Variants in AGMO observed in about 807,000 individuals in gnomAD.
AGMO encodes glyceryl-ether monooxygenase.
AGMO carries 75 observed loss-of-function variants against 60.2 expected under a neutral mutation model. The ratio of observed to expected loss-of-function variants is 1.25; its 90% confidence interval spans 1.03 to 1.51. The LOEUF is 1.51. Among genes scored for constraint, AGMO ranks in the 40% most tolerant of loss-of-function variants. AGMO has a pLI of 0.00. For synonymous variants in AGMO, 261 were observed against 177.1 expected (o/e 1.47, Z -3.76); for missense variants, 763 against 525.5 (o/e 1.45, Z -4.42).
At chr7:15,445,591 G>T (rs2128503620) in intron 3 of AGMO, among the ~76,000 whole-genome samples, 1 of 152,146 alleles carries the variant, frequency 6.6e-6, no homozygotes, top group African/African-American at 2.4e-5. Context: ...ATATTTAATA[G>T]ATCATTTTTG....
At chr7:15,345,842 T>G (rs949695838) in intron 12 of AGMO, among the ~76,000 whole-genome samples, 1 of 152,148 alleles carries the variant, frequency 6.6e-6, no homozygotes, top group Non-Finnish European at 1.5e-5. Flanking sequence ...CCTCTATTCC[T>G]CATTACTACA....
the AGMO span, among the ~76,000 whole-genome samples, chr7:15,140,956 C>T: frequency 1.3e-5 from 2 of 152,212 alleles, no homozygotes; most frequent in African/African-American, 2.4e-5. Flanking sequence ...TGACAATAGG[C>T]TTATATTTAG....
intron 3 of AGMO, among the ~76,000 whole-genome samples, chr7:15,524,862 C>CA (rs5882524): frequency 0.76 from 102,746 of 135,334 alleles, 38,629 homozygotes; most frequent in East Asian, 0.96. Flanking sequence ...AATTCCATCT[C>CA]AAAAAAAAAA....
chr7:15,395,496 G>A (rs891609840), intron 5 of AGMO, among the ~76,000 whole-genome samples: 3 of 152,032 alleles, frequency 2.0e-5, no homozygotes, highest in Non-Finnish European at 2.9e-5. Flanking sequence ...TTCATTGGGA[G>A]TTATAATAAC....
chr7:15,222,447 C>T (rs558192325), intron 12 of AGMO, among the ~76,000 whole-genome samples: 5 of 152,140 alleles, frequency 3.3e-5, no homozygotes, highest in South Asian at 4.1e-4. Flanking sequence ...ATTGAGATTT[C>T]GTGATCTTTA....
chr7:15,253,837 T>C (rs867252139), intron 12 of AGMO, among the ~76,000 whole-genome samples: 1 of 152,154 alleles, frequency 6.6e-6, no homozygotes, highest in Non-Finnish European at 1.5e-5. Context: ...GACAAGCCTC[T>C]TCCCATCTCC....
At chr7:15,401,949 G>A (rs750532949) in intron 5 of AGMO, among the ~76,000 whole-genome samples, 11 of 151,960 alleles carry the variant, frequency 7.2e-5, no homozygotes, top group African/African-American at 1.9e-4. Context: ...AAGACTTTTC[G>A]TTACAGCGTC....
At position 15,284,853 on chromosome 7, in the gene AGMO, A is replaced by G. The variant is rs116834526; in HGVS notation, c.1263+80661T>C. The stretch of plus-strand genomic sequence containing the variant: ...AATAGAATACTAGCTAACTGAATCC[A>G]ACAACACATCAAAAAGATAATAAAT... On this transcript the variant is annotated intron_variant, in intron 12 of 12. Transcript: ENST00000342526. Among the ~76,000 whole-genome samples the G allele has an allele frequency of 9.0e-3, 1,369 of 152,272 alleles. 25 individuals carry two copies. The highest frequency in any genetic ancestry group is 0.031 in the African/African-American group (1,302 of 41,556).
At chr7:15,144,127 T>C in the AGMO span, among the ~76,000 whole-genome samples, 1 of 152,352 alleles carries the variant, frequency 6.6e-6, no homozygotes, top group South Asian at 2.1e-4. Context: ...AATATTTGTC[T>C]TTCAAATGCA....
chr7:15,406,982 ATG>A (rs890627998), intron 5 of AGMO, among the ~76,000 whole-genome samples: 4 of 143,944 alleles, frequency 2.8e-5, no homozygotes, highest in African/African-American at 1.0e-4. Context: ...ACATGTACAC[ATG>A]TGTGTGTATA....
intron 2 of AGMO, among the ~76,000 whole-genome samples, chr7:15,555,316 C>T (rs931767240): frequency 6.7e-6 from 1 of 148,412 alleles, no homozygotes; most frequent in African/African-American, 2.5e-5. Flanking sequence ...CACACACACA[C>T]ACACACACAC....
intron 10 of AGMO, among the ~76,000 whole-genome samples, chr7:15,385,243 C>G (rs1448217037): frequency 6.6e-6 from 1 of 152,156 alleles, no homozygotes; most frequent in Non-Finnish European, 1.5e-5. Context: ...ACATTCTGCA[C>G]AGAAGCATTT....
chr7:15,351,529 CA>C (rs1181632854), intron 12 of AGMO, among the ~76,000 whole-genome samples: 1 of 152,046 alleles, frequency 6.6e-6, no homozygotes, highest in Non-Finnish European at 1.5e-5. Context: ...AAGAAAAAAG[CA>C]GACATCTAGG....
In AGMO at chr7:15,499,624, C is replaced by T. The variant is rs778228709; in HGVS notation, c.409+45148G>A. On this transcript the variant is annotated intron_variant, in intron 3 of 12. Transcript: ENST00000342526. ...AAACCACATATTCATTTCCCCTTTG[C>T]GGCATCCTTTCTAAAATCCATAATG... Among the ~76,000 whole-genome samples, 14 of 151,810 alleles carry T rather than the reference C, an allele frequency of 9.2e-5. No individual in the cohort carries two copies. The South Asian group carries it at 1.0e-3, about 11-fold the overall frequency.
chr7:15,392,709 G>A (rs532234530), intron 6 of AGMO, among the ~76,000 whole-genome samples: 1 of 152,076 alleles, frequency 6.6e-6, no homozygotes, highest in African/African-American at 2.4e-5. Context: ...TGCAGCAGAA[G>A]AATCACTTGA....
At chr7:15,509,628 T>G (rs907260065) in intron 3 of AGMO, among the ~76,000 whole-genome samples, 1 of 152,076 alleles carries the variant, frequency 6.6e-6, no homozygotes, top group South Asian at 2.1e-4. Flanking sequence ...ATCAACAAAA[T>G]GAAAAGGCAT....
intron 3 of AGMO, among the ~76,000 whole-genome samples, chr7:15,433,751 C>T (rs60378865): frequency 0.039 from 5,602 of 143,322 alleles, 329 homozygotes; most frequent in African/African-American, 0.14. Flanking sequence ...TTTTTCTATA[C>T]GAAAATTATA....
chr7:15,406,618 CAT>C (rs1491188406), intron 5 of AGMO, among the ~76,000 whole-genome samples: 8 of 54,166 alleles, frequency 1.5e-4, no homozygotes, highest in Admixed American at 9.4e-4. Flanking sequence ...CACATGTACA[CAT>C]GTGTGTATAT....
At chr7:15,159,026 T>A in the AGMO span, among the ~76,000 whole-genome samples, 2 of 152,150 alleles carry the variant, frequency 1.3e-5, no homozygotes, top group South Asian at 2.1e-4. Flanking sequence ...GTATATCTCT[T>A]ATACACATAT....
Sources: allele counts gnomAD v4.1 joint callset (sites outside exome capture counted in the v4.1 genomes callset), GRCh38; gene constraint gnomAD v4.1.1; transcripts MANE v1.5; gene names NCBI Gene and HGNC (gene_info 2026-07-23, HGNC 2026-07-21).